MDGA2: variants seen among roughly 807,000 people sequenced by gnomAD.
MDGA2 encodes MAM domain containing glycosylphosphatidylinositol anchor 2, also known as MAM domain-containing glycosylphosphatidylinositol anchor protein 2.
Under a neutral mutation model 117.8 loss-of-function variants are expected in MDGA2, and 40 were observed. The observed-to-expected ratio is 0.34, with a 90% CI of 0.26 to 0.44. MDGA2 has a LOEUF of 0.44. Among genes scored for constraint, MDGA2 ranks in the 20% least tolerant of loss-of-function variants. The pLI is 1.00. For synonymous variants in MDGA2, 452 were observed against 439.0 expected, an observed-to-expected ratio of 1.03 and a Z score of -0.37; for missense variants, 1,123 against 1,250.6, an observed-to-expected ratio of 0.90 and a Z score of 1.54.
chr14:47,090,052 T>C (rs1158425126), intron 6 of MDGA2, among the ~76,000 whole-genome samples: 1 of 152,136 alleles, frequency 6.6e-6, no homozygotes, highest in East Asian at 1.9e-4. Flanking sequence ...ATAAGTCTTT[T>C]TGTAATAAGC....
At chr14:47,009,894 G>A (rs1337410531) in intron 8 of MDGA2, among the ~76,000 whole-genome samples, 2 of 151,882 alleles carry the variant, frequency 1.3e-5, no homozygotes, top group East Asian at 1.9e-4. Flanking sequence ...GCCTATCTCT[G>A]TCATCCATAT....
intron 1 of MDGA2, among the ~76,000 whole-genome samples, chr14:47,449,525 A>C (rs1243231077): frequency 6.6e-6 from 1 of 152,164 alleles, no homozygotes; most frequent in Non-Finnish European, 1.5e-5. Context: ...TCAACTTAGA[A>C]ATCATTTAAT....
At chr14:47,011,754 C>A (rs1314679443) in intron 8 of MDGA2, among the ~76,000 whole-genome samples, 1 of 151,912 alleles carries the variant, frequency 6.6e-6, no homozygotes, top group Non-Finnish European at 1.5e-5. Context: ...TTAGGACAAT[C>A]TACATTAAGA....
At chr14:47,225,546 T>C (rs1217862216) in intron 2 of MDGA2, among the ~76,000 whole-genome samples, 1 of 49,574 alleles carries the variant, frequency 2.0e-5, no homozygotes, top group South Asian at 4.7e-4. Flanking sequence ...TCATTCTCAG[T>C]AAACTATCGC....
At chr14:47,507,162 A>T (rs1268340864) in intron 1 of MDGA2, among the ~76,000 whole-genome samples, 2 of 152,192 alleles carry the variant, frequency 1.3e-5, no homozygotes, top group East Asian at 3.9e-4. Flanking sequence ...AATATAAAAG[A>T]GAACAGAGAG....
chr14:46,884,131 C>T lies in MDGA2; in HGVS notation c.2239-1910G>A, dbSNP rs796765784. 1.3e-5 allele frequency among the ~76,000 whole-genome samples: 2 copies of T among 152,194 alleles called. No homozygotes were observed. Among genetic ancestry groups the T allele is most frequent in the African/African-American group, 4.8e-5 (2 of 41,540 alleles). The stretch of plus-strand genomic sequence containing the variant: ...TCTGACATGCTCCTAAGGTCATCAA[C>T]AACATGGCCTACTTTTACTTTGATT... On this transcript the variant is annotated intron_variant, in intron 10 of 16. Transcript: ENST00000399232. This position sits in a 1 kb window ranked among gnomAD's most constrained non-coding sequence, Gnocchi z 4.1.
intron 1 of MDGA2, among the ~76,000 whole-genome samples, chr14:47,447,598 A>C (rs1472945022): frequency 6.6e-6 from 1 of 152,150 alleles, no homozygotes; most frequent in Non-Finnish European, 1.5e-5. Context: ...ATGGGGGCAT[A>C]CAGTAGTCAA....
At chr14:47,529,047 G>C (rs917659826) in intron 1 of MDGA2, among the ~76,000 whole-genome samples, 2 of 150,676 alleles carry the variant, frequency 1.3e-5, no homozygotes, top group Admixed American at 6.6e-5. Flanking sequence ...CTCCCAGGCT[G>C]GAGTGCAGTG....
chr14:47,635,019 T>C (rs1411460459), intron 1 of MDGA2, among the ~76,000 whole-genome samples: 2 of 152,112 alleles, frequency 1.3e-5, no homozygotes, highest in African/African-American at 4.8e-5. Context: ...ATTATTATCA[T>C]GGGTAATAAT....
chr14:46,868,937 T>C (rs1354637311), intron 14 of MDGA2, among the ~76,000 whole-genome samples: 1 of 151,924 alleles, frequency 6.6e-6, no homozygotes, highest in Non-Finnish European at 1.5e-5. Flanking sequence ...TACTGAATTC[T>C]TTTTTTTACC....
intron 1 of MDGA2, among the ~76,000 whole-genome samples, chr14:47,315,046 A>G (rs1361994221): frequency 1.3e-5 from 2 of 152,098 alleles, no homozygotes; most frequent in Non-Finnish European, 2.9e-5. Context: ...TTTGCTTAAT[A>G]TGGTACTGTA....
At chr14:47,179,781 A>G (rs1210698136) in intron 3 of MDGA2, among the ~76,000 whole-genome samples, 1 of 152,058 alleles carries the variant, frequency 6.6e-6, no homozygotes, top group Non-Finnish European at 1.5e-5. Context: ...TTCTCACCAA[A>G]ATATTCTATT....
chr14:47,289,425 AG>A (rs1265441982), intron 2 of MDGA2, among the ~76,000 whole-genome samples: 2 of 151,656 alleles, frequency 1.3e-5, no homozygotes, highest in East Asian at 3.9e-4. Context: ...TGATTAAAAA[AG>A]TCTCTTCAGG....
chr14:47,337,923 A>G (rs1890509335), intron 1 of MDGA2, among the ~76,000 whole-genome samples: 1 of 152,016 alleles, frequency 6.6e-6, no homozygotes, highest in South Asian at 2.1e-4. Context: ...CTTATTTTGA[A>G]AATATCTTGT....
rs71418159 is a variant in MDGA2 at position 47,614,821 on chromosome 14, A to G, written c.280+59696T>C. ...GGCCTAGTAATTACATAATTTCTCT[A>G]TCTCTTACTTTTCTCTTCTATAATA... is the stretch of plus-strand genomic sequence containing the variant. On this transcript the variant is annotated intron_variant, in intron 1 of 16. Coordinates refer to ENST00000399232, the MANE Select transcript of MDGA2 (RefSeq NM_001113498.3). Among the ~76,000 whole-genome samples, 658 of 152,312 alleles carry G rather than the reference A, an allele frequency of 4.3e-3. 1 individual carries two copies. The highest frequency in any genetic ancestry group is 5.6e-3 in the Non-Finnish European group (379 of 68,026).
At chr14:47,175,631 A>G (rs535488380) in intron 3 of MDGA2, among the ~76,000 whole-genome samples, 396 of 151,318 alleles carry the variant, frequency 2.6e-3, no homozygotes, top group African/African-American at 9.2e-3. Flanking sequence ...AATAAATTAC[A>G]TATTGATGGG....
intron 1 of MDGA2, among the ~76,000 whole-genome samples, chr14:47,603,093 TC>T (rs1325010409): frequency 1.3e-5 from 2 of 152,100 alleles, no homozygotes; most frequent in African/African-American, 2.4e-5. Flanking sequence ...AATTGATGAG[TC>T]TATATATAAT....
chr14:46,845,771 G>C lies in MDGA2; in HGVS notation c.2984C>G (p.Thr995Ser). 1.2e-6 allele frequency: 2 copies of C among 1,604,128 alleles called. No homozygotes were observed. Among genetic ancestry groups the C allele is most frequent in the Non-Finnish European group, 1.7e-6 (2 of 1,171,844 alleles). Residue 995 changes from threonine (T) to serine (S), a missense_variant, in exon 16 of 17, where the codon ACT (threonine) becomes AGT (serine). Thr to Ser is a moderately conservative substitution (Grantham distance 58). This residue lies in a region of MDGA2 where 890 missense variants were observed against 1,050.3 expected (regional missense o/e 0.85). Transcript: ENST00000399232. ...TCTCAAGCAAAGATACTTACTCTTA[G>C]TTGCTAGGTCTTGTTTTGCACATTC... ...EGECAKQDLA[T>S]KNSVDGAVGI... is the part of the protein sequence containing the mutation.
chr14:47,489,697 T>C (rs184967136), intron 1 of MDGA2, among the ~76,000 whole-genome samples: 1 of 152,206 alleles, frequency 6.6e-6, no homozygotes, highest in African/African-American at 2.4e-5. Flanking sequence ...GCCATCACCA[T>C]CTTATAAAGG....
Sources: allele counts gnomAD v4.1 joint callset (sites outside exome capture counted in the v4.1 genomes callset), GRCh38; gene constraint gnomAD v4.1.1; regional missense constraint gnomAD v4.1.1; non-coding constraint Gnocchi (gnomAD v3.1); transcripts MANE v1.5; gene names NCBI Gene and HGNC (gene_info 2026-07-23, HGNC 2026-07-21).